Variants in MGAT4C observed in about 807,000 individuals in gnomAD.
MGAT4C encodes the protein MGAT4 family member C.
A neutral mutation model predicts 40.1 loss-of-function variants in MGAT4C; 19 were observed. That is an observed-to-expected ratio of 0.47 (90% CI 0.33 to 0.70). The LOEUF is 0.70. MGAT4C is among the 30% of genes least tolerant of loss of function. MGAT4C has a pLI of 0.02. For missense variants in MGAT4C, 491 were observed against 563.2 expected (o/e 0.87, Z 1.30); for synonymous variants, 181 against 187.1 (o/e 0.97, Z 0.27).
chr12:86,662,249 G>T (rs1051771540), intron 2 of MGAT4C, among the ~76,000 whole-genome samples: 7 of 151,968 alleles, frequency 4.6e-5, no homozygotes, highest in Non-Finnish European at 1.0e-4. Flanking sequence ...GTTTTATACC[G>T]AATACAATCA....
In MGAT4C at chr12:86,423,286, AT is replaced by A. The variant is rs148034590; in HGVS notation, c.-120+11870del. ...AATAAAACACTATTAAATATTAAAT[AT>A]TTTGACATCTATGAAGCAATATTAT... On this transcript the variant is annotated intron_variant, in intron 3 of 7. Transcript: ENST00000548651. 3.3e-3 allele frequency among the ~76,000 whole-genome samples: 498 copies of A among 152,018 alleles called. 3 individuals carry two copies. Among genetic ancestry groups the A allele is most frequent in the African/African-American group, 0.011 (476 of 41,532 alleles).
intron 1 of MGAT4C, among the ~76,000 whole-genome samples, chr12:86,057,535 A>G (rs1893527344): frequency 6.6e-6 from 1 of 152,208 alleles, no homozygotes; most frequent in East Asian, 1.9e-4. Flanking sequence ...GTGACTTTGA[A>G]CATATATTCC....
At chr12:86,742,105 C>A (rs1443636380) in intron 1 of MGAT4C, among the ~76,000 whole-genome samples, 1 of 151,192 alleles carries the variant, frequency 6.6e-6, no homozygotes, top group African/African-American at 2.4e-5. Context: ...CTTGGGTCAC[C>A]TTCTGGGTTT....
At chr12:86,072,307 A>T (rs1489170454) in intron 1 of MGAT4C, among the ~76,000 whole-genome samples, 3 of 152,132 alleles carry the variant, frequency 2.0e-5, no homozygotes, top group Non-Finnish European at 4.4e-5. Context: ...GAGCTTTTTT[A>T]GAATTTCCTA....
At chr12:86,073,698 T>C (rs1389389381) in intron 1 of MGAT4C, among the ~76,000 whole-genome samples, 1 of 152,084 alleles carries the variant, frequency 6.6e-6, no homozygotes, top group Admixed American at 6.6e-5. Context: ...TTTTGGCCAA[T>C]TTCACCCATT....
chr12:86,804,519 T>C (rs2136207788), intron 1 of MGAT4C, among the ~76,000 whole-genome samples: 1 of 152,086 alleles, frequency 6.6e-6, no homozygotes, highest in Non-Finnish European at 1.5e-5. Context: ...TATTTGGCTA[T>C]TTCTCATTAT....
chr12:86,546,969 T>C (rs1302266021), intron 2 of MGAT4C, among the ~76,000 whole-genome samples: 1 of 151,964 alleles, frequency 6.6e-6, no homozygotes, highest in East Asian at 1.9e-4. Flanking sequence ...ATTTTAAATA[T>C]ATTTTAATAA....
chr12:86,779,012 A>T (rs1338571106), intron 1 of MGAT4C, among the ~76,000 whole-genome samples: 1 of 46,718 alleles, frequency 2.1e-5, no homozygotes, highest in East Asian at 5.8e-4. Context: ...CAATTTCACT[A>T]AAAAAAAAAA....
chr12:86,270,249 T>C (rs1282953223), intron 4 of MGAT4C, among the ~76,000 whole-genome samples: 3 of 152,002 alleles, frequency 2.0e-5, no homozygotes, highest in Non-Finnish European at 4.4e-5. Flanking sequence ...GGCACTTTTT[T>C]AGGAGAGACA....
At chr12:86,734,582 A>T (rs2136123425) in intron 1 of MGAT4C, among the ~76,000 whole-genome samples, 1 of 152,112 alleles carries the variant, frequency 6.6e-6, no homozygotes, top group East Asian at 1.9e-4. Context: ...TAAGATTAAT[A>T]ACCCCCATAG....
chr12:86,707,919 G>A (rs2559819), intron 2 of MGAT4C, among the ~76,000 whole-genome samples: 1 of 152,192 alleles, frequency 6.6e-6, no homozygotes, highest in Admixed American at 6.5e-5. Context: ...AAGCAGAGCA[G>A]AAAAGTTCAG....
chr12:86,767,264 G>A (rs1473860750), intron 1 of MGAT4C, among the ~76,000 whole-genome samples: 1 of 152,176 alleles, frequency 6.6e-6, no homozygotes, highest in Non-Finnish European at 1.5e-5. Flanking sequence ...AGAAAATCTA[G>A]AAGAAATGGA....
chr12:86,107,203 T>A (rs1876355553), intron 1 of MGAT4C, among the ~76,000 whole-genome samples: 1 of 152,178 alleles, frequency 6.6e-6, no homozygotes. Context: ...AATTAGAAGT[T>A]TTAATTGTAT....
intron 1 of MGAT4C, among the ~76,000 whole-genome samples, chr12:86,744,743 G>T (rs1178411067): frequency 6.6e-6 from 1 of 151,496 alleles, no homozygotes; most frequent in African/African-American, 2.4e-5. Context: ...ATGTGGGTGT[G>T]TCTTTGTAGA....
intron 2 of MGAT4C, among the ~76,000 whole-genome samples, chr12:85,999,882 G>C (rs891084379): frequency 1.3e-5 from 2 of 152,142 alleles, no homozygotes; most frequent in African/African-American, 2.4e-5. Flanking sequence ...GGAGATGGAA[G>C]CTGGGTTGGT....
At position 85,964,525 on chromosome 12, in the gene MGAT4C, A is replaced by G. The variant is rs984639446; in HGVS notation, c.*14764T>C. ...AAATTATGATTTTAAACTTAAGGGA[A>G]TTCAGGTAAAGGAAATTGACTAGGT... is the stretch of plus-strand genomic sequence containing the variant. On this transcript the variant is annotated 3_prime_UTR_variant, in exon 5 of 5. Coordinates refer to ENST00000611864, the MANE Select transcript of MGAT4C (RefSeq NM_001351288.2). 11 of 152,266 alleles carry G rather than the reference A, an allele frequency of 7.2e-5. No homozygotes were observed. The East Asian group carries it at 2.1e-3, about 29-fold the overall frequency. 9.4% of individuals were successfully genotyped at this position (152,266 alleles called of 1,614,324 possible).
chr12:86,504,630 C>T (rs2136339273), intron 2 of MGAT4C, among the ~76,000 whole-genome samples: 1 of 152,252 alleles, frequency 6.6e-6, no homozygotes, highest in South Asian at 2.1e-4. Context: ...ATACATTGCC[C>T]TTCTTTCCAG....
intron 2 of MGAT4C, among the ~76,000 whole-genome samples, chr12:86,605,387 G>A (rs529434431): frequency 3.3e-5 from 5 of 151,942 alleles, no homozygotes; most frequent in South Asian, 4.2e-4. Flanking sequence ...TAGATTTTTC[G>A]ATGAGTAAAC....
At chr12:86,107,958 C>T (rs890590169) in intron 1 of MGAT4C, among the ~76,000 whole-genome samples, 5 of 152,058 alleles carry the variant, frequency 3.3e-5, no homozygotes, top group Non-Finnish European at 5.9e-5. Context: ...GGCAAACCAA[C>T]ATGAAGTTGA....
Sources: allele counts gnomAD v4.1 joint callset (sites outside exome capture counted in the v4.1 genomes callset), GRCh38; gene constraint gnomAD v4.1.1; transcripts MANE v1.5; gene names NCBI Gene and HGNC (gene_info 2026-07-23, HGNC 2026-07-21).